The following KCND2 variants were observed in gnomAD, a reference collection of about 807,000 sequenced individuals.
KCND2 encodes the protein potassium voltage-gated channel subfamily D member 2, also known as A-type voltage-gated potassium channel KCND2.
Under a neutral mutation model 54.4 loss-of-function variants are expected in KCND2, and 16 were observed. The ratio of observed to expected loss-of-function variants is 0.29; its 90% CI spans 0.20 to 0.45. The LOEUF is 0.45. Ranked by LOEUF, KCND2 falls within the 20% of genes least tolerant of loss-of-function variation. The probability of loss-of-function intolerance (pLI) is 1.00; values close to 1 mark genes in which losing one functional copy is unlikely to be tolerated. For synonymous variants in KCND2, 317 were observed against 310.7 expected (o/e 1.02, Z -0.21); for missense variants, 486 against 824.2 (o/e 0.59, Z 5.02).
At chr7:120,661,882 A>G (rs1165970777) in intron 1 of KCND2, among the ~76,000 whole-genome samples, 1 of 152,202 alleles carries the variant, frequency 6.6e-6, no homozygotes, top group Non-Finnish European at 1.5e-5. Context: ...CATTAGGATA[A>G]CACTGAGCTA....
At chr7:120,427,256 A>G (rs1801721140) in intron 1 of KCND2, among the ~76,000 whole-genome samples, 1 of 152,168 alleles carries the variant, frequency 6.6e-6, no homozygotes. Flanking sequence ...AATTCCTAGG[A>G]TATAGCACGT....
At chr7:120,356,911 G>A (rs1003749301) in intron 1 of KCND2, among the ~76,000 whole-genome samples, 2 of 152,004 alleles carry the variant, frequency 1.3e-5, no homozygotes, top group African/African-American at 4.8e-5. Flanking sequence ...CTGGGGTTGC[G>A]GGAGTGACAA....
intron 1 of KCND2, among the ~76,000 whole-genome samples, chr7:120,615,241 G>C (rs1793008993): frequency 6.6e-6 from 1 of 152,126 alleles, no homozygotes; most frequent in Non-Finnish European, 1.5e-5. Context: ...AGAAGGAATA[G>C]TTACCAGAAT....
At chr7:120,700,874 G>A (rs1792392350) in intron 1 of KCND2, among the ~76,000 whole-genome samples, 1 of 152,082 alleles carries the variant, frequency 6.6e-6, no homozygotes, top group South Asian at 2.1e-4. Flanking sequence ...GCTTAGTTTA[G>A]GATGTGTAAC....
At chr7:120,311,696 T>C (rs1376594132) in intron 1 of KCND2, among the ~76,000 whole-genome samples, 1 of 152,178 alleles carries the variant, frequency 6.6e-6, no homozygotes, top group East Asian at 1.9e-4. Context: ...TACTCATTAG[T>C]TATTTTTTCT....
At chr7:120,490,250 A>C (rs1336602263) in intron 1 of KCND2, among the ~76,000 whole-genome samples, 1 of 152,162 alleles carries the variant, frequency 6.6e-6, no homozygotes, top group African/African-American at 2.4e-5. Context: ...TCTTTCAGTT[A>C]TGAATCTAGG....
At position 120,374,451 on chromosome 7, in the gene KCND2, C is replaced by T. The variant is rs573219884; in HGVS notation, c.1115+98704C>T. On this transcript the variant is annotated intron_variant, in intron 1 of 5. Coordinates refer to ENST00000331113, the MANE Select transcript of KCND2 (RefSeq NM_012281.3). ...AGTGGATTCGAACTAGGGTTAATTA[C>T]GTTTTCTGTGATAATTTTAAGATAT... Among the ~76,000 whole-genome samples the T allele has an allele frequency of 4.0e-5, 6 of 151,654 alleles. 1 individual carries two copies. The South Asian group carries it at 6.2e-4, about 16-fold the overall frequency.
At chr7:120,397,676 A>G (rs1259984185) in intron 1 of KCND2, among the ~76,000 whole-genome samples, 2 of 151,950 alleles carry the variant, frequency 1.3e-5, no homozygotes, top group African/African-American at 4.8e-5. Context: ...TTCAGGTTGT[A>G]GATTTAGCAT....
chr7:120,699,863 A>G (rs193210270), intron 1 of KCND2, among the ~76,000 whole-genome samples: 6 of 152,350 alleles, frequency 3.9e-5, no homozygotes, highest in Admixed American at 3.9e-4. Context: ...ATTATGAGTC[A>G]TCAGAAAATA....
chr7:120,446,155 G>T (rs1369887361), intron 1 of KCND2, among the ~76,000 whole-genome samples: 1 of 152,152 alleles, frequency 6.6e-6, no homozygotes, highest in African/African-American at 2.4e-5. Flanking sequence ...CTGAGGAGCA[G>T]TCTGAGCTTC....
chr7:120,438,059 G>A (rs147993997), intron 1 of KCND2, among the ~76,000 whole-genome samples: 2 of 152,308 alleles, frequency 1.3e-5, no homozygotes, highest in African/African-American at 4.8e-5. Flanking sequence ...TTGGAAACCA[G>A]ATGAGTGGCT....
chr7:120,598,437 G>T (rs1256134792), intron 1 of KCND2, among the ~76,000 whole-genome samples: 7 of 152,012 alleles, frequency 4.6e-5, no homozygotes, highest in Admixed American at 3.3e-4. Context: ...TTTGATAATG[G>T]TATATTTCAT....
chr7:120,365,254 G>A (rs989326669), intron 1 of KCND2, among the ~76,000 whole-genome samples: 2 of 151,504 alleles, frequency 1.3e-5, no homozygotes, highest in Non-Finnish European at 2.9e-5. Context: ...AGGGACGGGC[G>A]AGCTAATTCA....
intron 1 of KCND2, among the ~76,000 whole-genome samples, chr7:120,450,973 A>C (rs910091033): frequency 3.3e-5 from 5 of 152,138 alleles, no homozygotes; most frequent in African/African-American, 1.2e-4. Flanking sequence ...CAAAAATAAA[A>C]AACAGTCCTC....
chr7:120,499,423 T>C (rs1802899265), intron 1 of KCND2, among the ~76,000 whole-genome samples: 1 of 152,134 alleles, frequency 6.6e-6, no homozygotes, highest in African/African-American at 2.4e-5. Flanking sequence ...ATTTTCACCA[T>C]CAGTAACAAC....
chr7:120,523,028 A>G (rs935664118), intron 1 of KCND2, among the ~76,000 whole-genome samples: 2 of 152,206 alleles, frequency 1.3e-5, no homozygotes, highest in African/African-American at 2.4e-5. Flanking sequence ...CACAGAGCCC[A>G]TGTAGGTGAA....
Position 120,719,655 on chromosome 7 carries a change from A to C in KCND2, c.1116-13248A>C, listed in dbSNP as rs767279804. Reference sequence around the variant, plus strand: ...CAGCCAGGCTCCAACATGTTTAGCTATAGACTTTCATTAGCATGATTAAAA... The same window carrying C: ...CAGCCAGGCTCCAACATGTTTAGCTCTAGACTTTCATTAGCATGATTAAAA... On this transcript the variant is annotated intron_variant, in intron 1 of 5. Transcript: ENST00000331113. Among the ~76,000 whole-genome samples, 9 of 152,146 alleles carry C rather than the reference A, an allele frequency of 5.9e-5. 1 individual carries two copies. Among genetic ancestry groups the C allele is most frequent in the Non-Finnish European group, 1.3e-4 (9 of 68,024 alleles).
At chr7:120,276,201 A>C (rs1283813360) in intron 1 of KCND2, among the ~76,000 whole-genome samples, 2 of 152,108 alleles carry the variant, frequency 1.3e-5, no homozygotes, top group Non-Finnish European at 2.9e-5. Flanking sequence ...TATGGTGTAC[A>C]TTTTTCCTCT....
chr7:120,520,241 A>C (rs113103704), intron 1 of KCND2, among the ~76,000 whole-genome samples: 16 of 152,232 alleles, frequency 1.1e-4, no homozygotes, highest in African/African-American at 3.6e-4. Flanking sequence ...GAATATTGTA[A>C]TTTCAGTAAT....
Sources: gnomAD v4.1 joint callset for allele counts (sites outside exome capture counted in the v4.1 genomes callset) on GRCh38, gnomAD v4.1.1 for gene constraint, MANE v1.5 for transcripts, NCBI Gene and HGNC (gene_info 2026-07-23, HGNC 2026-07-21) for gene names.